The following KCNIP4 variants were observed in gnomAD, a reference collection of about 807,000 sequenced individuals.
KCNIP4 encodes the protein Kv channel-interacting protein 4.
A neutral mutation model predicts 34.0 loss-of-function variants in KCNIP4; 12 were observed. The observed-to-expected ratio is 0.35, with a 90% CI of 0.23 to 0.57. KCNIP4 has a LOEUF of 0.57. Ranked by LOEUF, KCNIP4 falls within the 20% of genes least tolerant of loss-of-function variation. KCNIP4 has a pLI of 0.83. For missense variants in KCNIP4, 238 were observed against 311.7 expected, an observed-to-expected ratio of 0.76 and a Z score of 1.78; for synonymous variants, 124 against 102.2, an observed-to-expected ratio of 1.21 and a Z score of -1.29.
At chr4:21,737,214 A>G (rs971266091) in intron 1 of KCNIP4, among the ~76,000 whole-genome samples, 1 of 152,122 alleles carries the variant, frequency 6.6e-6, no homozygotes, top group African/African-American at 2.4e-5. Context: ...TGTTATCCTT[A>G]TGTGCACCAA....
intron 1 of KCNIP4, among the ~76,000 whole-genome samples, chr4:20,914,625 A>G (rs756883984): frequency 7.2e-5 from 11 of 152,148 alleles, no homozygotes; most frequent in Non-Finnish European, 1.5e-4. Flanking sequence ...CCAGCATTGT[A>G]CCCTACTGTC....
intron 1 of KCNIP4, among the ~76,000 whole-genome samples, chr4:21,109,462 G>T (rs1445824727): frequency 6.6e-6 from 1 of 152,236 alleles, no homozygotes; most frequent in Admixed American, 6.5e-5. Context: ...GAAAAGCACA[G>T]TATTAGGGTG....
At chr4:21,703,076 CAAGA>C (rs1712987801) in intron 1 of KCNIP4, among the ~76,000 whole-genome samples, 1 of 151,168 alleles carries the variant, frequency 6.6e-6, no homozygotes, top group Non-Finnish European at 1.5e-5. Context: ...AAAAAAAATC[CAAGA>C]AATAGGAATA....
At chr4:21,115,599 A>G (rs898433783) in intron 1 of KCNIP4, among the ~76,000 whole-genome samples, 1 of 152,186 alleles carries the variant, frequency 6.6e-6, no homozygotes, top group East Asian at 1.9e-4. Flanking sequence ...GTAGGAGTTT[A>G]ATTATAAAAT....
intron 1 of KCNIP4, among the ~76,000 whole-genome samples, chr4:21,861,077 A>G (rs1333472107): frequency 6.6e-6 from 1 of 152,214 alleles, no homozygotes; most frequent in Non-Finnish European, 1.5e-5. Flanking sequence ...AAGATTGAGT[A>G]TTTTGTCATC....
intron 1 of KCNIP4, among the ~76,000 whole-genome samples, chr4:21,010,524 G>T (rs993795469): frequency 6.6e-6 from 1 of 152,030 alleles, no homozygotes; most frequent in Non-Finnish European, 1.5e-5. Context: ...ACCTTTATGC[G>T]ATGAATTTGA....
intron 1 of KCNIP4, among the ~76,000 whole-genome samples, chr4:21,648,031 G>A (rs916862391): frequency 1.3e-5 from 2 of 151,410 alleles, no homozygotes; most frequent in Admixed American, 1.3e-4. Flanking sequence ...TCGCCACCAC[G>A]CCCAGCTAAT....
At chr4:21,454,319 T>C (rs1728748490) in intron 1 of KCNIP4, among the ~76,000 whole-genome samples, 1 of 152,002 alleles carries the variant, frequency 6.6e-6, no homozygotes, top group Non-Finnish European at 1.5e-5. Flanking sequence ...ACCTAGTAAA[T>C]CAGAAACTCT....
intron 1 of KCNIP4, among the ~76,000 whole-genome samples, chr4:21,653,430 T>C (rs1007877042): frequency 6.6e-6 from 1 of 152,208 alleles, no homozygotes; most frequent in Non-Finnish European, 1.5e-5. Flanking sequence ...TTGTACATGT[T>C]AGCTAATATC....
chr4:21,367,915 A>G (rs567754541), intron 1 of KCNIP4, among the ~76,000 whole-genome samples: 1 of 147,694 alleles, frequency 6.8e-6, no homozygotes, highest in East Asian at 2.0e-4. Context: ...GGTTCCCCAG[A>G]GACTACCTAT....
intron 1 of KCNIP4, among the ~76,000 whole-genome samples, chr4:21,428,615 G>A (rs1406899898): frequency 2.6e-5 from 4 of 152,098 alleles, no homozygotes; most frequent in Admixed American, 6.5e-5. Context: ...GCCCATAGAC[G>A]CAATTGAAAT....
chr4:21,725,762 T>C (rs1715150557), intron 1 of KCNIP4, among the ~76,000 whole-genome samples: 6 of 152,170 alleles, frequency 3.9e-5, no homozygotes, highest in Non-Finnish European at 8.8e-5. Flanking sequence ...TGTTAAATTC[T>C]GATGAAGACT....
chr4:21,796,627 A>G (rs1259448964), intron 1 of KCNIP4, among the ~76,000 whole-genome samples: 1 of 152,246 alleles, frequency 6.6e-6, no homozygotes, highest in African/African-American at 2.4e-5. Context: ...GGAGGTAGCC[A>G]TCTCTAAGCC....
intron 1 of KCNIP4, among the ~76,000 whole-genome samples, chr4:21,642,527 G>A (rs1232699553): frequency 1.3e-5 from 2 of 152,106 alleles, no homozygotes; most frequent in Non-Finnish European, 2.9e-5. Flanking sequence ...TAGAATTCAT[G>A]GGTCCACAAT....
chr4:21,745,387 T>C (rs928978314), intron 1 of KCNIP4, among the ~76,000 whole-genome samples: 2 of 152,174 alleles, frequency 1.3e-5, no homozygotes, highest in Non-Finnish European at 2.9e-5. Flanking sequence ...GTGATATTTA[T>C]GAAATAGAAG....
intron 1 of KCNIP4, among the ~76,000 whole-genome samples, chr4:21,936,473 T>C (rs1408616434): frequency 3.3e-5 from 5 of 152,072 alleles, no homozygotes; most frequent in Admixed American, 6.6e-5. Context: ...AGACATGTCT[T>C]TATTAGCAGC....
chr4:21,242,650 C>G (rs1252630282), intron 1 of KCNIP4, among the ~76,000 whole-genome samples: 2 of 152,124 alleles, frequency 1.3e-5, no homozygotes, highest in Non-Finnish European at 2.9e-5. Flanking sequence ...TTTTCTTTCT[C>G]TTGCCTGCCT....
At chr4:20,897,682 G>T (rs1391369501) in intron 1 of KCNIP4, among the ~76,000 whole-genome samples, 1 of 152,124 alleles carries the variant, frequency 6.6e-6, no homozygotes, top group African/African-American at 2.4e-5. Context: ...TGATGTCTAA[G>T]CCCAGAGGAA....
At position 21,297,822 on chromosome 4, in the gene KCNIP4, T is replaced by A. The variant is rs971326396; in HGVS notation, c.62-415113A>T. Among the ~76,000 whole-genome samples, 24 of 151,946 alleles carry A rather than the reference T, an allele frequency of 1.6e-4. No homozygotes were observed. The East Asian group carries it at 4.6e-3, about 29-fold the overall frequency. ...CATAGAGCTAGAAGCAAAAAAAAAA[T>A]GAATCAGATTCTTAAATACAATTTT... On this transcript the variant is annotated intron_variant, in intron 1 of 8. Transcript: ENST00000382152.
Sources: gnomAD v4.1 joint callset for allele counts (sites outside exome capture counted in the v4.1 genomes callset) on GRCh38, gnomAD v4.1.1 for gene constraint, MANE v1.5 for transcripts, NCBI Gene and HGNC (gene_info 2026-07-23, HGNC 2026-07-21) for gene names.